Variants in PCLAF observed in about 807,000 individuals in gnomAD.
PCLAF encodes PCNA clamp associated factor.
Under a neutral mutation model 15.1 loss-of-function variants are expected in PCLAF, and 12 were observed. The observed-to-expected ratio is 0.79, with a 90% CI of 0.51 to 1.29. PCLAF has a LOEUF of 1.29. PCLAF is among the 50% of genes most tolerant of loss of function. PCLAF has a pLI of 0.00. For missense variants in PCLAF, 116 were observed against 130.9 expected (o/e 0.89, Z 0.56); for synonymous variants, 33 against 47.1 (o/e 0.70, Z 1.22).
intron 1 of PCLAF, 59 bp downstream of exon 1, chr15:64,381,267 C>G: frequency 6.3e-7 from 1 of 1,593,832 alleles, no homozygotes; most frequent in Non-Finnish European, 8.6e-7. Context: ...GTCTGTCGCC[C>G]GTGGCCAGGC....
intron 2 of PCLAF, 107 bp from the exon 3 acceptor site, chr15:64,377,012 A>C: frequency 1.2e-6 from 1 of 840,642 alleles, no homozygotes; most frequent in Non-Finnish European, 1.8e-6. Flanking sequence ...GGTATTAAAT[A>C]ATCTTTATTT....
intron 3 of PCLAF, 71 bp from the exon 4 acceptor site, chr15:64,366,146 A>G (rs990772520): frequency 5.8e-5 from 67 of 1,154,578 alleles, no homozygotes; most frequent in Non-Finnish European, 8.4e-5. Flanking sequence ...TTACAAACCT[A>G]TATAAATCAG....
At position 64,370,078 on chromosome 15, in the gene PCLAF, CT is replaced by C. The variant is rs879440425; in HGVS notation, c.291-4004del. ...TGAACCAAAGATTTCATGGAGTGTC[CT>C]TTTTTTTTTTTTTAATAGAAACACA... On this transcript the variant is annotated intron_variant, in intron 3 of 3. Transcript: ENST00000300035. Among the ~76,000 whole-genome samples the C allele has an allele frequency of 9.5e-3, 1,321 of 139,094 alleles. 11 individuals are homozygous for C. The highest frequency in any genetic ancestry group is 0.02 in the African/African-American group (770 of 38,116). The allele number at this position is 139,094 out of a possible 152,430, so 91.3% of individuals were successfully genotyped here. A position where few individuals can be genotyped will look rare whatever the true frequency, so the allele number is the denominator to read the frequency against.
rs1899548694 is a variant in PCLAF, at chr15:64,374,967, T to C, written c.290+1776A>G. 2.6e-5 allele frequency among the ~76,000 whole-genome samples: 4 copies of C among 152,056 alleles called. No individual in the cohort carries two copies. In the South Asian group the frequency reaches 8.3e-4, roughly 31 times the overall value. On this transcript the variant is annotated intron_variant, in intron 3 of 3. Coordinates refer to ENST00000300035, the MANE Select transcript of PCLAF (RefSeq NM_014736.6). ...TAAAGGTTGCACACCAAGTTTGGTG[T>C]GTGTAGTTTTATCCCTACTTTTTGT...
upstream of PCLAF, chr15:64,381,487 G>T: frequency 6.3e-7 from 1 of 1,593,314 alleles, no homozygotes. Context: ...TCTTTCCCGC[G>T]CGCTCCAAGG....
At chr15:64,373,883 A>G (rs1344874376) in intron 3 of PCLAF, 6 of 982,228 alleles carry the variant, frequency 6.1e-6, no homozygotes, top group Non-Finnish European at 8.6e-6. Context: ...AAAACATTTA[A>G]GTTGCTTAGA....
intron 2 of PCLAF, among the ~76,000 whole-genome samples, chr15:64,379,387 T>G (rs923175084): frequency 6.6e-6 from 1 of 151,230 alleles, no homozygotes; most frequent in Non-Finnish European, 1.5e-5. Flanking sequence ...GAGCCTGAAG[T>G]GGGAGGATCA....
intron 3 of PCLAF, among the ~76,000 whole-genome samples, chr15:64,370,349 C>G (rs1396052762): frequency 6.6e-6 from 1 of 151,120 alleles, no homozygotes; most frequent in Non-Finnish European, 1.5e-5. Context: ...CTAGGCATGC[C>G]TGGCCTCATG....
At position 64,370,840 on chromosome 15, in the gene PCLAF, T is replaced by C. The variant is rs1292030041; in HGVS notation, c.291-4765A>G. 2.0e-5 allele frequency among the ~76,000 whole-genome samples: 3 copies of C among 148,154 alleles called. No homozygotes were observed. In the East Asian group the frequency reaches 5.8e-4, roughly 29 times the overall value. ...AGACTCATAAAGTTGTTTTTTTTTT[T>C]TTTTTTTTTTTTTTTTAAGTATTTA... On this transcript the variant is annotated intron_variant, in intron 3 of 3. Transcript: ENST00000300035.
chr15:64,387,205 C>G (rs1247474870), intron 1 of PCLAF, among the ~76,000 whole-genome samples: 1 of 151,844 alleles, frequency 6.6e-6, no homozygotes, highest in Non-Finnish European at 1.5e-5. Context: ...CACGTGAAAC[C>G]GCGTCGCTAC....
chr15:64,372,051 A>C (rs1026503610), intron 3 of PCLAF, among the ~76,000 whole-genome samples: 1 of 147,846 alleles, frequency 6.8e-6, no homozygotes, highest in Non-Finnish European at 1.5e-5. Context: ...CCTGCACACA[A>C]AAAAATCAGT....
upstream of PCLAF, among the ~76,000 whole-genome samples, chr15:64,385,421 T>C (rs1401419024): frequency 2.0e-5 from 3 of 150,776 alleles, no homozygotes; most frequent in Non-Finnish European, 4.4e-5. Flanking sequence ...AAGTCGGGAG[T>C]TTGAGACCAG....
Position 64,366,112 on chromosome 15 carries a change from G to A in PCLAF, c.291-37C>T. The A allele has an allele frequency of 1.3e-6, 2 of 1,537,040 alleles. 1 individual carries two copies. Among genetic ancestry groups the A allele is most frequent in the South Asian group, 2.4e-5 (2 of 84,850 alleles). ...AGAGAGAACATCAATAGCCATCCAA[G>A]TATCAACTGTTTGAAAAAAATAGTT... On this transcript the variant is annotated intron_variant, in intron 3 of 3. Transcript: ENST00000300035.
At chr15:64,372,363 C>T (rs1214961646) in intron 3 of PCLAF, among the ~76,000 whole-genome samples, 1 of 152,154 alleles carries the variant, frequency 6.6e-6, no homozygotes, top group Non-Finnish European at 1.5e-5. Flanking sequence ...ACCTGTAATC[C>T]CAGCACTTTG....
intron 2 of PCLAF, among the ~76,000 whole-genome samples, chr15:64,379,824 G>A (rs1465391120): frequency 6.6e-6 from 1 of 151,950 alleles, no homozygotes; most frequent in African/African-American, 2.4e-5. Context: ...TCCTTTGCCG[G>A]GTTTCACTCC....
At position 64,365,990 on chromosome 15, in the gene PCLAF, G is replaced by A; in HGVS notation, c.*40C>T. 6 of 1,490,730 alleles carry A rather than the reference G, an allele frequency of 4.0e-6. No individual in the cohort carries two copies. Among genetic ancestry groups the A allele is most frequent in the Non-Finnish European group, 5.6e-6 (6 of 1,072,432 alleles). The allele number at this position is 1,490,730 out of a possible 1,614,324, so 92.3% of individuals were successfully genotyped here. A position where few individuals can be genotyped will look rare whatever the true frequency, so the allele number is the denominator to read the frequency against. ...TAAATTTACATTCTAGAATACCAGG[G>A]TAAACAAGGAGACGTTATTCAAAGA... On this transcript the variant is annotated 3_prime_UTR_variant, in exon 4 of 4. Coordinates refer to ENST00000300035, the MANE Select transcript of PCLAF (RefSeq NM_014736.6).
Position 64,364,446 on chromosome 15 carries a change from T to C in PCLAF, c.*1584A>G, listed in dbSNP as rs979387260. 2.8e-4 allele frequency: 43 copies of C among 152,182 alleles called. No homozygotes were observed. The highest frequency in any genetic ancestry group is 9.4e-4 in the African/African-American group (39 of 41,440). 9.4% of individuals were successfully genotyped at this position (152,182 alleles called of 1,614,324 possible). On this transcript the variant is annotated 3_prime_UTR_variant, in exon 4 of 4. Coordinates refer to ENST00000300035, the MANE Select transcript of PCLAF (RefSeq NM_014736.6). ...ATACCCACTTCTTCAATTATACCTC[T>C]GGTTATGTTGAAAAATGTCATAGTA...
chr15:64,373,633 C>T, intron 3 of PCLAF: 1 of 1,517,234 alleles, frequency 6.6e-7, no homozygotes, highest in Non-Finnish European at 8.8e-7. Context: ...ATGAAGAAAC[C>T]TGCACGGGTA....
At chr15:64,381,082 G>T in intron 1 of PCLAF, 44 bp from the exon 2 acceptor site, 1 of 1,578,832 alleles carries the variant, frequency 6.3e-7, no homozygotes. Flanking sequence ...GGGCAGGAGG[G>T]TTCCGACACC....
Sources: allele counts gnomAD v4.1 joint callset (sites outside exome capture counted in the v4.1 genomes callset), GRCh38; gene constraint gnomAD v4.1.1; transcripts MANE v1.5; gene names NCBI Gene and HGNC (gene_info 2026-07-23, HGNC 2026-07-21).